Variants in ZFP64 observed in about 807,000 individuals in gnomAD.
ZFP64 encodes ZFP64 zinc finger protein, also known as zinc finger protein 64.
ZFP64 carries 14 observed loss-of-function variants against 51.6 expected under a neutral mutation model. The ratio of observed to expected loss-of-function variants is 0.27; its 90% confidence interval spans 0.18 to 0.42. The LOEUF (loss-of-function observed/expected upper bound fraction) is 0.42, where lower values mean the gene tolerates loss of function less well. ZFP64 is among the 10% of genes least tolerant of loss of function. ZFP64 has a pLI of 1.00. For missense variants in ZFP64, 754 were observed against 906.8 expected (o/e 0.83, Z 2.16); for synonymous variants, 375 against 361.4 (o/e 1.04, Z -0.43).
intron 7 of ZFP64, chr20:52,088,897 T>G (rs1267396837): frequency 1.6e-6 from 1 of 640,158 alleles, no homozygotes; most frequent in Admixed American, 2.2e-5. Context: ...AAACCCTGTT[T>G]GGGAAAAATG....
Position 52,162,544 on chromosome 20 carries a change from A to T in ZFP64, c.511+2151T>A, listed in dbSNP as rs141206866. On this transcript the variant is annotated intron_variant, in intron 4 of 5. Transcript: ENST00000216923. ...CGGGAGAATGAGGCAGGAGAATGAT[A>T]TGAACCCGGGAGGCAGAGCTTGCAG... is the stretch of plus-strand genomic sequence containing the variant. Among the ~76,000 whole-genome samples the T allele has an allele frequency of 4.6e-3, 699 of 151,032 alleles. 5 individuals carry two copies. The highest frequency in any genetic ancestry group is 0.016 in the African/African-American group (673 of 41,100).
intron 5 of ZFP64, chr20:52,111,197 A>ATTTT (rs771671628): frequency 5.3e-5 from 25 of 468,264 alleles, no homozygotes; most frequent in East Asian, 1.1e-4. Context: ...TCAGCGGTCA[A>ATTTT]TTTTTTTTTT....
intron 5 of ZFP64, among the ~76,000 whole-genome samples, chr20:52,134,904 C>A (rs1979896624): frequency 6.6e-6 from 1 of 151,904 alleles, no homozygotes. Flanking sequence ...ACTCTGTCAC[C>A]CAGGTTGGAG....
At chr20:52,179,182 G>A (rs796177667) in intron 2 of ZFP64, among the ~76,000 whole-genome samples, 38 of 152,278 alleles carry the variant, frequency 2.5e-4, no homozygotes, top group African/African-American at 8.9e-4. Flanking sequence ...CCCTGCACAA[G>A]CTCTTATCTC....
chr20:52,180,184 C>T (rs1036464578), intron 2 of ZFP64, among the ~76,000 whole-genome samples: 9 of 152,230 alleles, frequency 5.9e-5, no homozygotes, highest in Non-Finnish European at 8.8e-5. Flanking sequence ...AACACCAAGA[C>T]CCAGCTAATC....
At chr20:52,105,186 GC>G in intron 5 of ZFP64, 1 of 1,434,986 alleles carries the variant, frequency 7.0e-7, no homozygotes, top group Non-Finnish European at 9.0e-7. Context: ...CGCGCAGGCC[GC>G]GGCTCCTCGG....
At chr20:52,098,298 G>A (rs1005800583) in intron 6 of ZFP64, 2 of 1,189,834 alleles carry the variant, frequency 1.7e-6, no homozygotes, top group Admixed American at 2.5e-5. Context: ...CCCCAGGGAA[G>A]GCTGTTGTGT....
At chr20:52,092,520 T>C (rs540246347) in intron 7 of ZFP64, among the ~76,000 whole-genome samples, 1 of 152,294 alleles carries the variant, frequency 6.6e-6, no homozygotes, top group South Asian at 2.1e-4. Flanking sequence ...TGGGTGATGG[T>C]CCAGGAAGAT....
intron 5 of ZFP64, among the ~76,000 whole-genome samples, chr20:52,155,781 C>T (rs1442520178): frequency 6.6e-6 from 1 of 152,064 alleles, no homozygotes; most frequent in Non-Finnish European, 1.5e-5. Context: ...GTGTCTGGCA[C>T]ATAGCGAGGT....
chr20:52,169,485 C>T (rs563655481), intron 2 of ZFP64, among the ~76,000 whole-genome samples: 1 of 152,108 alleles, frequency 6.6e-6, no homozygotes, highest in African/African-American at 2.4e-5. Flanking sequence ...CAGGTCCTCC[C>T]TACAAGTCAG....
chr20:52,084,598 C>G (rs2078843651), exon 9 of ZFP64: 2 of 1,614,024 alleles, frequency 1.2e-6, no homozygotes, highest in East Asian at 4.5e-5. Flanking sequence ...TCGAGCTGCC[C>G]CACGGAGACC....
intron 2 of ZFP64, among the ~76,000 whole-genome samples, chr20:52,170,367 G>A (rs953161165): frequency 6.6e-6 from 1 of 152,030 alleles, no homozygotes; most frequent in East Asian, 1.9e-4. Flanking sequence ...CAGGAGAATC[G>A]CTTGGACCCA....
Position 52,153,332 on chromosome 20 carries a change from A to C in ZFP64, c.860T>G (p.Phe287Cys). Reference protein sequence around the residue: ...HMRVHSGEKPFKCEFCNVRCT... With the variant: ...HMRVHSGEKPCKCEFCNVRCT... ...GCGGACATTGCAGAACTCGCACTTG[A>C]AAGGCTTCTCCCCCGAGTGCACCCG... Residue 287 changes from phenylalanine (F) to cysteine (C), a missense_variant, in exon 6 of 6, where the codon TTC (phenylalanine) becomes TGC (cysteine). Phe to Cys is a radical substitution (Grantham distance 205). Coordinates refer to ENST00000216923, the MANE Select transcript of ZFP64 (RefSeq NM_018197.3). The surrounding 1 kb of genome is among the most constrained non-coding windows in gnomAD (Gnocchi z 5.1). 1 of 1,614,198 alleles carries C rather than the reference A, an allele frequency of 6.2e-7. No homozygotes were observed. The highest frequency in any genetic ancestry group is 8.5e-7 in the Non-Finnish European group (1 of 1,180,042).
At chr20:52,093,767 C>T (rs1014176100) in intron 7 of ZFP64, among the ~76,000 whole-genome samples, 7 of 152,086 alleles carry the variant, frequency 4.6e-5, no homozygotes, top group South Asian at 2.1e-4. Context: ...ATTAACCACC[C>T]GGGCTTGGGA....
chr20:52,153,304 G>A lies in ZFP64; in HGVS notation c.888C>T (p.Cys296=). ...GCGACTTGAGGTTCCCCTTCATGGT[G>A]CAGCGGACATTGCAGAACTCGCACT... ...PFKCEFCNVR[C]TMKGNLKSHI... is the part of the protein sequence containing the mutation. The change falls in exon 6 of 6, where the codon TGC becomes TGT. Residue 296 remains cysteine (C), a synonymous_variant. Coordinates refer to ENST00000216923, the MANE Select transcript of ZFP64 (RefSeq NM_018197.3). This position sits in a 1 kb window ranked among gnomAD's most constrained non-coding sequence, Gnocchi z 5.1. 6.2e-7 allele frequency: 1 copy of A among 1,614,200 alleles called. No individual in the cohort carries two copies. The highest frequency in any genetic ancestry group is 8.5e-7 in the Non-Finnish European group (1 of 1,180,046).
At chr20:52,132,474 GA>G (rs1198279105) in intron 5 of ZFP64, among the ~76,000 whole-genome samples, 2 of 149,070 alleles carry the variant, frequency 1.3e-5, no homozygotes, top group African/African-American at 4.9e-5. Flanking sequence ...CCCAGACTAA[GA>G]AAAAAAAGGG....
chr20:52,165,337 A>G (rs1982164726), intron 3 of ZFP64: 1 of 456,222 alleles, frequency 2.2e-6, no homozygotes, highest in African/African-American at 2.0e-5. Flanking sequence ...ATTTAGGAAT[A>G]AAGGGGCATC....
chr20:52,138,270 A>G (rs906743077), intron 5 of ZFP64, among the ~76,000 whole-genome samples: 2 of 152,072 alleles, frequency 1.3e-5, no homozygotes, highest in African/African-American at 4.8e-5. Flanking sequence ...ATAACTTTCT[A>G]GAGATAGGAA....
At chr20:52,119,150 T>C (rs1440244044) in intron 5 of ZFP64, among the ~76,000 whole-genome samples, 1 of 151,480 alleles carries the variant, frequency 6.6e-6, no homozygotes, top group African/African-American at 2.4e-5. Context: ...GTCTCAAAAA[T>C]AAAGTAAAAT....
Sources: allele counts gnomAD v4.1 joint callset (sites outside exome capture counted in the v4.1 genomes callset), GRCh38; gene constraint gnomAD v4.1.1; non-coding constraint Gnocchi (gnomAD v3.1); transcripts MANE v1.5; gene names NCBI Gene and HGNC (gene_info 2026-07-23, HGNC 2026-07-21).